Variants in ASB9 observed in about 807,000 individuals in gnomAD.
The protein encoded by ASB9 is ankyrin repeat and SOCS box containing 9.
A neutral mutation model predicts 16.6 loss-of-function variants in ASB9; 5 were observed. The ratio of observed to expected loss-of-function variants is 0.30; its 90% CI spans 0.16 to 0.63. The LOEUF (loss-of-function observed/expected upper bound fraction) is 0.63, where lower values mean the gene tolerates loss of function less well. ASB9 is among the 30% of genes least tolerant of loss of function. The pLI is 0.82. For missense variants in ASB9, 216 were observed against 229.4 expected, an observed-to-expected ratio of 0.94 and a Z score of 0.38; for synonymous variants, 100 against 86.4, an observed-to-expected ratio of 1.16 and a Z score of -0.87.
intron 3 of ASB9, 112 bp downstream of exon 3, chrX:15,254,625 T>TG (rs1925389084): frequency 1.7e-6 from 1 of 578,016 alleles, no homozygotes; most frequent in South Asian, 3.2e-5. Flanking sequence ...GAAAAACAAC[T>TG]GTCTTCATAT....
intron 1 of ASB9, among the ~76,000 whole-genome samples, chrX:15,268,518 C>T (rs1282205950): frequency 2.0e-5 from 2 of 99,043 alleles, no homozygotes; most frequent in African/African-American, 7.3e-5. Context: ...CTCCGCCTCC[C>T]GGGTTCAAGT....
At chrX:15,261,525 T>C (rs1307342089) in intron 1 of ASB9, among the ~76,000 whole-genome samples, 5 of 112,102 alleles carry the variant, frequency 4.5e-5, no homozygotes. Context: ...AAATGACGCA[T>C]TTATCAAGTG....
chrX:15,254,286 C>T (rs1440012941), intron 3 of ASB9, among the ~76,000 whole-genome samples: 4 of 112,267 alleles, frequency 3.6e-5, no homozygotes, highest in Non-Finnish European at 7.5e-5. Context: ...TTTCCCCAAC[C>T]CACCATTCAG....
At chrX:15,250,594 T>C in intron 4 of ASB9, 30 bp from the exon 5 acceptor site, 1 of 1,179,303 alleles carries the variant, frequency 8.5e-7, no homozygotes, top group Non-Finnish European at 1.1e-6. Flanking sequence ...GAAAAACAGT[T>C]ACAATACAAG....
intron 3 of ASB9, among the ~76,000 whole-genome samples, chrX:15,252,657 G>A (rs890099358): frequency 3.6e-5 from 4 of 111,997 alleles, no homozygotes; most frequent in African/African-American, 1.3e-4. Context: ...TTTGAAACTA[G>A]TTAGGATAAT....
At chrX:15,259,144 A>G in intron 1 of ASB9, 199 bp from the exon 2 acceptor site, 1 of 335,687 alleles carries the variant, frequency 3.0e-6, no homozygotes. Flanking sequence ...AAATGTCTGG[A>G]TAGCTTGGGA....
intron 3 of ASB9, among the ~76,000 whole-genome samples, chrX:15,254,499 CTATT>C (rs1300342869): frequency 1.8e-5 from 2 of 112,010 alleles, no homozygotes; most frequent in Non-Finnish European, 3.8e-5. Context: ...AGTCTAATAA[CTATT>C]TATTAGTAGT....
At position 15,244,225 on chromosome X, in the gene ASB9, A is replaced by G. The variant is rs1258778903; in HGVS notation, c.*281T>C. 4.0e-6 allele frequency: 1 copy of G among 250,993 alleles called. No individual in the cohort carries two copies. The highest frequency in any genetic ancestry group is 9.2e-5 in the East Asian group (1 of 10,823). 20.7% of individuals were successfully genotyped at this position (250,993 alleles called of 1,213,427 possible). On this transcript the variant is annotated 3_prime_UTR_variant, in exon 7 of 7. Transcript: ENST00000380488. ...GTGCTTGGCATGCAGTAGATATGCA[A>G]AACAATAACTTATGACACTCTCCAT...
chrX:15,265,933 A>G (rs1231613812), intron 1 of ASB9, among the ~76,000 whole-genome samples: 1 of 108,990 alleles, frequency 9.2e-6, no homozygotes, highest in Non-Finnish European at 1.9e-5. Flanking sequence ...CCTCCCGGGT[A>G]GCTGGGATTA....
chrX:15,266,940 A>ATG (rs1213989268), intron 1 of ASB9, among the ~76,000 whole-genome samples: 1 of 106,520 alleles, frequency 9.4e-6, no homozygotes, highest in African/African-American at 3.5e-5. Context: ...CATCTCAAAA[A>ATG]AAAAAAAAAA....
chrX:15,270,081 TAC>T lies in ASB9; in HGVS notation c.-209_-208del, dbSNP rs370190376. 0.12 allele frequency: 32,358 copies of T among 260,328 alleles called. 89 individuals carry two copies. The highest frequency in any genetic ancestry group is 0.16 in the East Asian group (2,231 of 14,381). The allele number at this position is 260,328 out of a possible 1,213,427, so 21.5% of individuals were successfully genotyped here. On this transcript the variant is annotated 5_prime_UTR_variant, in exon 1 of 7. Coordinates refer to ENST00000380488, the MANE Select transcript of ASB9 (RefSeq NM_001031739.3). ...GATCAGAGAGAGGCATGCGCTCGTG[TAC>T]ACACACACACACACACACACACACA... is the stretch of plus-strand genomic sequence containing the variant.
chrX:15,256,775 C>CAAAA (rs1248547700), intron 2 of ASB9, among the ~76,000 whole-genome samples: 1,040 of 35,797 alleles, frequency 0.029, 16 homozygotes, highest in Non-Finnish European at 0.033. Flanking sequence ...GACTCCGTCT[C>CAAAA]AAAAAAAAAA....
chrX:15,248,568 C>T (rs1924852880), intron 6 of ASB9, 176 bp downstream of exon 6: 4 of 812,925 alleles, frequency 4.9e-6, no homozygotes, highest in Non-Finnish European at 6.7e-6. Flanking sequence ...ATTTACTGTA[C>T]TGTGACCAGT....
intron 4 of ASB9, among the ~76,000 whole-genome samples, chrX:15,251,416 C>A (rs764916427): frequency 8.9e-6 from 1 of 112,456 alleles, no homozygotes; most frequent in South Asian, 3.7e-4. Context: ...AATCACACTT[C>A]CTTGGTCCAG....
intron 1 of ASB9, among the ~76,000 whole-genome samples, chrX:15,267,752 CAAAAAAAA>C (rs76177108): frequency 1.2e-5 from 1 of 83,622 alleles, no homozygotes; most frequent in Non-Finnish European, 2.4e-5. Context: ...TCAAAAAAAA[CAAAAAAAA>C]AAAAAAAAAA....
chrX:15,265,169 G>T (rs1419363811), intron 1 of ASB9, among the ~76,000 whole-genome samples: 2 of 111,652 alleles, frequency 1.8e-5, no homozygotes, highest in African/African-American at 6.5e-5. Context: ...CCCCTCTGTA[G>T]GACATTCTGA....
intron 2 of ASB9, among the ~76,000 whole-genome samples, chrX:15,255,822 A>G (rs964755161): frequency 2.7e-5 from 3 of 112,114 alleles, no homozygotes; most frequent in African/African-American, 9.7e-5. Context: ...TAGGAAGCCT[A>G]AATGTACTTT....
intron 3 of ASB9, among the ~76,000 whole-genome samples, chrX:15,253,390 G>A (rs1029377948): frequency 2.7e-5 from 3 of 111,128 alleles, no homozygotes; most frequent in Non-Finnish European, 3.8e-5. Context: ...TCGGAAGTTC[G>A]AGACCAACCT....
chrX:15,269,947 C>T lies in ASB9; in HGVS notation c.-73G>A. The T allele has an allele frequency of 3.5e-6, 3 of 853,825 alleles. No individual in the cohort carries two copies. The highest frequency in any genetic ancestry group is 3.4e-5 in the East Asian group (1 of 29,569). 70.4% of individuals were successfully genotyped at this position (853,825 alleles called of 1,213,427 possible). On this transcript the variant is annotated 5_prime_UTR_variant, in exon 1 of 7. Transcript: ENST00000380488. Reference sequence around the variant, plus strand: ...CAGCAAAGTCCAAACTCCATGCTCCCCCTGCTCCTGAAAAATTCCAGTTCT... The same window carrying T: ...CAGCAAAGTCCAAACTCCATGCTCCTCCTGCTCCTGAAAAATTCCAGTTCT...
Sources: allele counts gnomAD v4.1 joint callset (sites outside exome capture counted in the v4.1 genomes callset), GRCh38; gene constraint gnomAD v4.1.1; transcripts MANE v1.5; gene names NCBI Gene and HGNC (gene_info 2026-07-23, HGNC 2026-07-21).